Variants in GAN observed in about 807,000 individuals in gnomAD.
GAN encodes the protein gigaxonin, also known as epididymis secretory sperm binding protein.
GAN carries 48 observed loss-of-function variants against 71.3 expected under a neutral mutation model. The observed-to-expected ratio is 0.67, with a 90% CI of 0.53 to 0.86. GAN has a LOEUF of 0.86. GAN is among the 40% of genes least tolerant of loss of function. The probability of loss-of-function intolerance (pLI) is 0.00; values close to 1 mark genes in which losing one functional copy is unlikely to be tolerated. For missense variants in GAN, 928 were observed against 770.1 expected (o/e 1.21, Z -2.43); for synonymous variants, 386 against 276.8 (o/e 1.39, Z -3.92).
intron 9 of GAN, among the ~76,000 whole-genome samples, chr16:81,371,185 G>A (rs889746): frequency 0.67 from 102,013 of 152,036 alleles, 34,689 homozygotes; most frequent in East Asian, 0.86. Flanking sequence ...TAAATTTTCT[G>A]TGCTGAAATT....
chr16:81,351,484 C>T, intron 1 of GAN, 99 bp from the exon 2 acceptor site: 7 of 704,636 alleles, frequency 9.9e-6, no homozygotes, highest in Non-Finnish European at 1.6e-5. Flanking sequence ...GATTCATATA[C>T]TGATAAGTAT....
At chr16:81,327,378 C>T (rs182579287) in intron 1 of GAN, among the ~76,000 whole-genome samples, 135 of 152,254 alleles carry the variant, frequency 8.9e-4, no homozygotes, top group African/African-American at 2.9e-3. Flanking sequence ...CATCCTGGAG[C>T]TGCCTCTTAT....
intron 1 of GAN, among the ~76,000 whole-genome samples, chr16:81,347,087 C>G (rs551557454): frequency 1.3e-5 from 2 of 152,278 alleles, no homozygotes; most frequent in South Asian, 4.1e-4. Flanking sequence ...TTATATGATG[C>G]ATTTCAAAGC....
At chr16:81,346,015 G>A (rs965609304) in intron 1 of GAN, among the ~76,000 whole-genome samples, 7 of 152,208 alleles carry the variant, frequency 4.6e-5, no homozygotes, top group African/African-American at 1.7e-4. Context: ...CTAGCTCTTG[G>A]TTGAACCTGG....
At chr16:81,319,909 CAT>C (rs1276234482) in intron 1 of GAN, among the ~76,000 whole-genome samples, 3 of 152,146 alleles carry the variant, frequency 2.0e-5, no homozygotes, top group Admixed American at 6.5e-5. Flanking sequence ...TGTTTTGCCT[CAT>C]GTGTATGTGT....
intron 6 of GAN, 29 bp from the exon 7 acceptor site, chr16:81,363,765 G>T (rs771467775): frequency 2.5e-6 from 4 of 1,607,610 alleles, no homozygotes; most frequent in Admixed American, 3.3e-5. Context: ...TTGGCCTTGT[G>T]TGTTCAGGGA....
At chr16:81,375,035 C>G (rs555638507) in intron 9 of GAN, among the ~76,000 whole-genome samples, 1 of 152,082 alleles carries the variant, frequency 6.6e-6, no homozygotes, top group Non-Finnish European at 1.5e-5. Flanking sequence ...GGAGAAAAAT[C>G]TTCGTATTGG....
chr16:81,343,203 T>C (rs1461665210), intron 1 of GAN, among the ~76,000 whole-genome samples: 2 of 151,998 alleles, frequency 1.3e-5, no homozygotes, highest in African/African-American at 2.4e-5. Context: ...AAAGAGGAGC[T>C]GGTACCATTC....
Position 81,362,830 on chromosome 16 carries a change from C to A in GAN, c.1086+219C>A, listed in dbSNP as rs113181080. On this transcript the variant is annotated intron_variant, in intron 6 of 10. Coordinates refer to ENST00000648994, the MANE Select transcript of GAN (RefSeq NM_022041.4). ...CTGAAATCTTCCAGGAATGCCCTCA[C>A]CCCAGCCTTCACATTTATCCTGCCC... is the stretch of plus-strand genomic sequence containing the variant. 4.5e-3 allele frequency among the ~76,000 whole-genome samples: 684 copies of A among 152,296 alleles called. 6 individuals are homozygous for A. Among genetic ancestry groups the A allele is most frequent in the African/African-American group, 0.015 (644 of 41,562 alleles).
intron 9 of GAN, among the ~76,000 whole-genome samples, chr16:81,369,057 C>T (rs370678308): frequency 2.0e-5 from 3 of 152,218 alleles, no homozygotes; most frequent in African/African-American, 7.2e-5. Context: ...TTGTGTTTTA[C>T]TGCCTCCGTG....
chr16:81,368,275 C>G (rs965504049), intron 9 of GAN, among the ~76,000 whole-genome samples: 6 of 152,176 alleles, frequency 3.9e-5, no homozygotes, highest in African/African-American at 1.4e-4. Context: ...GTTAGTAACA[C>G]TACTATCCTC....
At chr16:81,329,831 C>T (rs772302530) in intron 1 of GAN, among the ~76,000 whole-genome samples, 1 of 152,142 alleles carries the variant, frequency 6.6e-6, no homozygotes, top group African/African-American at 2.4e-5. Context: ...TCATCTACCC[C>T]AGAGAAGCTA....
At chr16:81,350,253 A>G (rs1597399329) in intron 1 of GAN, among the ~76,000 whole-genome samples, 2 of 152,224 alleles carry the variant, frequency 1.3e-5, no homozygotes, top group Admixed American at 6.5e-5. Flanking sequence ...ACAAACATAC[A>G]AAGAGATGTT....
In GAN at chr16:81,389,088, G is replaced by A. The variant is rs745541508; in HGVS notation, c.*11492G>A. 2.0e-5 allele frequency: 3 copies of A among 152,122 alleles called. No homozygotes were observed. Among genetic ancestry groups the A allele is most frequent in the African/African-American group, 4.8e-5 (2 of 41,424 alleles). The allele number at this position is 152,122 out of a possible 1,614,324, so 9.4% of individuals were successfully genotyped here. A position where few individuals can be genotyped will look rare whatever the true frequency, so the allele number is the denominator to read the frequency against. ...GGTGATAACATCTTTTTCCTAGATC[G>A]TACCTCAAAATTCAGGCTCTCCATG... On this transcript the variant is annotated 3_prime_UTR_variant, in exon 11 of 11. Coordinates refer to ENST00000648994, the MANE Select transcript of GAN (RefSeq NM_022041.4).
intron 1 of GAN, among the ~76,000 whole-genome samples, chr16:81,332,357 C>T (rs757122840): frequency 1.1e-4 from 17 of 152,110 alleles, no homozygotes; most frequent in Non-Finnish European, 2.5e-4. Context: ...TTAGTTCTTG[C>T]AGCAGGAGCT....
At chr16:81,336,126 A>T (rs924360026) in intron 1 of GAN, among the ~76,000 whole-genome samples, 1 of 152,176 alleles carries the variant, frequency 6.6e-6, no homozygotes, top group Non-Finnish European at 1.5e-5. Context: ...CCTTGGTGTT[A>T]GCCTGTGTAG....
intron 1 of GAN, among the ~76,000 whole-genome samples, chr16:81,322,368 A>T (rs1430436170): frequency 1.3e-5 from 2 of 152,248 alleles, no homozygotes; most frequent in African/African-American, 4.8e-5. Flanking sequence ...AGGTACTAGC[A>T]AGATGGTGGC....
intron 1 of GAN, among the ~76,000 whole-genome samples, chr16:81,339,551 T>A (rs1909874057): frequency 6.6e-6 from 1 of 152,172 alleles, no homozygotes; most frequent in Non-Finnish European, 1.5e-5. Context: ...TAAAGAGGGC[T>A]CCAGCCTCAA....
chr16:81,335,404 G>A (rs1909721697), intron 1 of GAN, among the ~76,000 whole-genome samples: 1 of 152,068 alleles, frequency 6.6e-6, no homozygotes, highest in Non-Finnish European at 1.5e-5. Context: ...ATCACTTGAT[G>A]TCAGCAGTTT....
Sources: gnomAD v4.1 joint callset for allele counts (sites outside exome capture counted in the v4.1 genomes callset) on GRCh38, gnomAD v4.1.1 for gene constraint, MANE v1.5 for transcripts, NCBI Gene and HGNC (gene_info 2026-07-23, HGNC 2026-07-21) for gene names.